MTUS2: variants seen among roughly 807,000 people sequenced by gnomAD.
The protein encoded by MTUS2 is microtubule associated scaffold protein 2.
Under a neutral mutation model 114.1 loss-of-function variants are expected in MTUS2, and 40 were observed. The observed-to-expected ratio is 0.35, with a 90% confidence interval of 0.27 to 0.46. The LOEUF is 0.46. MTUS2 is among the 20% of genes least tolerant of loss of function. The pLI, the probability that MTUS2 is intolerant of heterozygous loss-of-function variation, is 1.00. For synonymous variants in MTUS2, 688 were observed against 672.0 expected (o/e 1.02, Z -0.37); for missense variants, 1,679 against 1,705.4 (o/e 0.98, Z 0.27).
chr13:29,107,701 GT>G (rs1163659845), intron 5 of MTUS2, among the ~76,000 whole-genome samples: 1 of 152,058 alleles, frequency 6.6e-6, no homozygotes, highest in Non-Finnish European at 1.5e-5. Flanking sequence ...ATACTTAATT[GT>G]TTTTAAAGAA....
chr13:29,180,616 T>A (rs79683905), intron 5 of MTUS2, among the ~76,000 whole-genome samples: 3,676 of 152,274 alleles, frequency 0.024, 149 homozygotes, highest in African/African-American at 0.083. Flanking sequence ...GATTTTCTAT[T>A]TTCTTCAAGT....
intron 2 of MTUS2, among the ~76,000 whole-genome samples, chr13:28,873,968 C>T (rs1877778403): frequency 6.6e-6 from 1 of 152,130 alleles, no homozygotes. Context: ...TTAATATTTT[C>T]ATTTTAAGAA....
chr13:28,946,886 A>G (rs1882560888), intron 2 of MTUS2, among the ~76,000 whole-genome samples: 2 of 152,088 alleles, frequency 1.3e-5, no homozygotes, highest in African/African-American at 4.8e-5. Context: ...CATTCATTTG[A>G]TGTGAACTAT....
intron 5 of MTUS2, among the ~76,000 whole-genome samples, chr13:29,129,784 G>A (rs1891679537): frequency 1.3e-5 from 2 of 152,176 alleles, no homozygotes; most frequent in Admixed American, 6.5e-5. Context: ...TGGTACTTCA[G>A]TATGGTGTGC....
intron 2 of MTUS2, among the ~76,000 whole-genome samples, chr13:29,005,798 G>A (rs753851332): frequency 6.6e-6 from 1 of 152,192 alleles, no homozygotes; most frequent in Non-Finnish European, 1.5e-5. Flanking sequence ...CATAGTCTGC[G>A]CCAAAGTACT....
intron 8 of MTUS2, among the ~76,000 whole-genome samples, chr13:29,371,792 A>G (rs1871206608): frequency 6.6e-6 from 1 of 152,150 alleles, no homozygotes; most frequent in Admixed American, 6.5e-5. Flanking sequence ...TTTTCCAGGT[A>G]AAGAAACAGA....
At chr13:28,900,310 G>GTA (rs1417885684) in intron 2 of MTUS2, among the ~76,000 whole-genome samples, 1 of 152,132 alleles carries the variant, frequency 6.6e-6, no homozygotes, top group Non-Finnish European at 1.5e-5. Flanking sequence ...GTGTGTGTGT[G>GTA]TATGTGTGTG....
At chr13:28,941,064 C>T (rs890669364) in intron 2 of MTUS2, among the ~76,000 whole-genome samples, 2 of 63,396 alleles carry the variant, frequency 3.2e-5, no homozygotes, top group Non-Finnish European at 1.4e-4. Context: ...TAGATTACTA[C>T]AAAGCAAAAA....
chr13:28,954,981 T>C (rs537444238), intron 2 of MTUS2, among the ~76,000 whole-genome samples: 45 of 152,286 alleles, frequency 3.0e-4, no homozygotes, highest in African/African-American at 1.0e-3. Flanking sequence ...CCAAGGTTCA[T>C]TAGGCACTTC....
At chr13:29,440,175 C>A in intron 9 of MTUS2, 126 bp downstream of exon 9, 1 of 885,138 alleles carries the variant, frequency 1.1e-6, no homozygotes, top group Non-Finnish European at 1.8e-6. Context: ...AATGAAGTAT[C>A]TCACCCAGCA....
rs193005222 is a variant in MTUS2, at chr13:29,323,467, G to A, written c.2807-1146G>A. ...GGGTTTCACCGTGTTAGCCAGGATTGTCTCGATCTCCTGACCTCGTGATCC... is the reference window on the plus strand; with the variant it reads ...GGGTTTCACCGTGTTAGCCAGGATTATCTCGATCTCCTGACCTCGTGATCC... On this transcript the variant is annotated intron_variant, in intron 6 of 15. Coordinates refer to ENST00000612955, the MANE Select transcript of MTUS2 (RefSeq NM_001033602.4). Among the ~76,000 whole-genome samples, 808 of 152,242 alleles carry A rather than the reference G, an allele frequency of 5.3e-3. 6 individuals are homozygous for A. Among genetic ancestry groups the A allele is most frequent in the Middle Eastern group, 0.017 (5 of 294 alleles).
intron 8 of MTUS2, among the ~76,000 whole-genome samples, chr13:29,361,337 G>A (rs1870234546): frequency 6.6e-6 from 1 of 152,022 alleles, no homozygotes; most frequent in Admixed American, 6.6e-5. Context: ...AACTCCAAAT[G>A]GGCTTCAAAA....
At chr13:29,070,059 G>A (rs1888844018) in intron 4 of MTUS2, among the ~76,000 whole-genome samples, 1 of 152,214 alleles carries the variant, frequency 6.6e-6, no homozygotes, top group Non-Finnish European at 1.5e-5. Context: ...ACAGTACTGA[G>A]TGATTTGGGT....
intron 5 of MTUS2, among the ~76,000 whole-genome samples, chr13:29,127,128 C>A (rs528673058): frequency 2.0e-5 from 3 of 152,166 alleles, no homozygotes; most frequent in East Asian, 1.9e-4. Context: ...CTAACTTGTT[C>A]TTCAGCCTTA....
At chr13:29,002,772 C>G (rs1395071145) in intron 2 of MTUS2, among the ~76,000 whole-genome samples, 1 of 152,140 alleles carries the variant, frequency 6.6e-6, no homozygotes, top group Admixed American at 6.5e-5. Flanking sequence ...CTTTCAGAAA[C>G]TAGAAAATTC....
At chr13:29,266,728 G>A (rs1897681088) in intron 5 of MTUS2, among the ~76,000 whole-genome samples, 1 of 152,184 alleles carries the variant, frequency 6.6e-6, no homozygotes, top group African/African-American at 2.4e-5. Context: ...AGAGTCTGGG[G>A]TTCAAGAACT....
chr13:29,152,482 T>A (rs1892700698), intron 5 of MTUS2, among the ~76,000 whole-genome samples: 1 of 152,158 alleles, frequency 6.6e-6, no homozygotes, highest in African/African-American at 2.4e-5. Flanking sequence ...CTGGTGCAGC[T>A]TTGCTGGCAT....
chr13:28,942,454 C>T (rs1882293598), intron 2 of MTUS2, among the ~76,000 whole-genome samples: 1 of 152,166 alleles, frequency 6.6e-6, no homozygotes, highest in Non-Finnish European at 1.5e-5. Context: ...CTAGTAATTA[C>T]ATTTTTAGGA....
At chr13:29,445,417 G>T (rs778641801) in intron 9 of MTUS2, among the ~76,000 whole-genome samples, 4 of 152,116 alleles carry the variant, frequency 2.6e-5, no homozygotes, top group Non-Finnish European at 5.9e-5. Flanking sequence ...GCCACCCAAG[G>T]TTCTGTCCAA....
Sources: allele counts gnomAD v4.1 joint callset (sites outside exome capture counted in the v4.1 genomes callset), GRCh38; gene constraint gnomAD v4.1.1; transcripts MANE v1.5; gene names NCBI Gene and HGNC (gene_info 2026-07-23, HGNC 2026-07-21).